Variants in BRINP3 observed in about 807,000 individuals in gnomAD.
BRINP3 encodes BMP/retinoic acid-inducible neural-specific protein 3.
In BRINP3, 19 loss-of-function variants were observed where a neutral mutation model predicts 71.0. The ratio of observed to expected loss-of-function variants is 0.27; its 90% CI spans 0.19 to 0.39. BRINP3 has a LOEUF of 0.39. Among genes scored for constraint, BRINP3 ranks in the 10% least tolerant of loss-of-function variants. BRINP3 has a pLI of 1.00. For synonymous variants in BRINP3, 380 were observed against 337.7 expected (o/e 1.13, Z -1.37); for missense variants, 959 against 940.8 (o/e 1.02, Z -0.25).
At chr1:190,182,424 C>A (rs1033937927) in intron 6 of BRINP3, among the ~76,000 whole-genome samples, 1 of 152,052 alleles carries the variant, frequency 6.6e-6, no homozygotes, top group Non-Finnish European at 1.5e-5. Context: ...TATTGTTCCA[C>A]CTTCCAGTTA....
At chr1:190,443,992 G>T (rs1206889222) in intron 2 of BRINP3, among the ~76,000 whole-genome samples, 1 of 152,086 alleles carries the variant, frequency 6.6e-6, no homozygotes, top group Admixed American at 6.5e-5. Context: ...CAGCACTTTG[G>T]TAGGCTGAGG....
At chr1:190,099,459 T>G (rs116640387) in intron 7 of BRINP3, among the ~76,000 whole-genome samples, 476 of 152,248 alleles carry the variant, frequency 3.1e-3, no homozygotes, top group African/African-American at 0.011. Flanking sequence ...TTAGTGCACA[T>G]GGAAGACCAT....
In BRINP3 at chr1:190,226,336, G is replaced by A; in HGVS notation, c.725-18C>T. 1 of 1,422,314 alleles carries A rather than the reference G, an allele frequency of 7.0e-7. No homozygotes were observed. The allele number at this position is 1,422,314 out of a possible 1,614,324, so 88.1% of individuals were successfully genotyped here. On this transcript the variant is annotated intron_variant, in intron 5 of 7. Transcript: ENST00000367462. ...TTGAAGCCCTTGAAGAACAAACAAA[G>A]AAATTAACAAATTTACTTTGTTAAA...
At chr1:190,470,349 A>G (rs942703417) in intron 1 of BRINP3, among the ~76,000 whole-genome samples, 3 of 151,072 alleles carry the variant, frequency 2.0e-5, no homozygotes, top group African/African-American at 7.3e-5. Context: ...GAACTATAAT[A>G]AATTCTAATG....
intron 2 of BRINP3, 38 bp downstream of exon 2, chr1:190,454,617 G>A (rs1675865269): frequency 6.5e-7 from 1 of 1,547,464 alleles, no homozygotes; most frequent in Non-Finnish European, 8.9e-7. Flanking sequence ...AACCTTCAAG[G>A]ATGATATTTC....
At chr1:190,358,069 T>G (rs545419166) in intron 2 of BRINP3, among the ~76,000 whole-genome samples, 2 of 151,896 alleles carry the variant, frequency 1.3e-5, no homozygotes, top group African/African-American at 4.8e-5. Context: ...AGAAGAAAAC[T>G]TAGGCAATAC....
intron 7 of BRINP3, among the ~76,000 whole-genome samples, chr1:190,122,885 C>T (rs768058435): frequency 3.1e-4 from 47 of 152,114 alleles, no homozygotes; most frequent in African/African-American, 5.8e-4. Flanking sequence ...TTGTCTGTGC[C>T]GGCTACTGAG....
At chr1:190,103,170 A>G (rs894412097) in intron 7 of BRINP3, among the ~76,000 whole-genome samples, 22 of 152,062 alleles carry the variant, frequency 1.4e-4, no homozygotes, top group African/African-American at 4.8e-4. Flanking sequence ...AACCTTCAGC[A>G]GAAGCTTTGG....
intron 2 of BRINP3, among the ~76,000 whole-genome samples, chr1:190,347,436 A>G (rs1571819720): frequency 6.6e-6 from 1 of 150,506 alleles, no homozygotes; most frequent in Admixed American, 6.7e-5. Flanking sequence ...CACCGCGCCC[A>G]GCTGACACTA....
At chr1:190,186,054 A>C (rs535294508) in intron 6 of BRINP3, among the ~76,000 whole-genome samples, 2 of 152,224 alleles carry the variant, frequency 1.3e-5, no homozygotes, top group Admixed American at 1.3e-4. Context: ...TTGTTTGTCA[A>C]CTTGGTCATT....
In BRINP3 at chr1:190,368,791, G is replaced by C. The variant is rs936119227; in HGVS notation, c.236+85864C>G. Among the ~76,000 whole-genome samples the C allele has an allele frequency of 2.6e-5, 4 of 152,230 alleles. No individual in the cohort carries two copies. In the East Asian group the frequency reaches 7.7e-4, roughly 29 times the overall value. On this transcript the variant is annotated intron_variant, in intron 2 of 7. Transcript: ENST00000367462. ...CTTCAGGAATCAGACCTTAGTTATA[G>C]ATTAAAGGAAGTTAATCACTTACGT...
Position 190,199,364 on chromosome 1 carries a change from T to A in BRINP3, c.961+26718A>T, listed in dbSNP as rs551390749. On this transcript the variant is annotated intron_variant, in intron 6 of 7. Transcript: ENST00000367462. ...CATTCCATTTTTCCTGGAGGTACAA[T>A]GAATTTGATAATAATTCTGAAATAT... Among the ~76,000 whole-genome samples, 3 of 152,254 alleles carry A rather than the reference T, an allele frequency of 2.0e-5. No individual in the cohort carries two copies. The East Asian group carries it at 5.8e-4, about 30-fold the overall frequency.
chr1:190,195,642 T>G (rs1490097453), intron 6 of BRINP3, among the ~76,000 whole-genome samples: 1 of 152,096 alleles, frequency 6.6e-6, no homozygotes, highest in Non-Finnish European at 1.5e-5. Flanking sequence ...TACATACCTA[T>G]GCCTAATTTC....
intron 6 of BRINP3, among the ~76,000 whole-genome samples, chr1:190,204,867 G>T (rs969526987): frequency 6.6e-6 from 1 of 151,816 alleles, no homozygotes; most frequent in Non-Finnish European, 1.5e-5. Context: ...ATTTTCCTAG[G>T]AAATGTGATA....
At chr1:190,282,106 T>C (rs1420780826) in intron 2 of BRINP3, among the ~76,000 whole-genome samples, 7 of 151,946 alleles carry the variant, frequency 4.6e-5, no homozygotes, top group Admixed American at 1.3e-4. Flanking sequence ...TTCTAAGGTA[T>C]ATTGGAAAAA....
intron 6 of BRINP3, among the ~76,000 whole-genome samples, chr1:190,207,794 G>C (rs960376508): frequency 6.6e-6 from 1 of 152,106 alleles, no homozygotes; most frequent in African/African-American, 2.4e-5. Flanking sequence ...AAGAGATACA[G>C]ACATGTTATT....
chr1:190,268,476 G>A (rs942237330), intron 3 of BRINP3, among the ~76,000 whole-genome samples: 1 of 152,068 alleles, frequency 6.6e-6, no homozygotes, highest in Admixed American at 6.6e-5. Flanking sequence ...AACACAGGAG[G>A]CATCTCTATT....
chr1:190,365,254 T>C lies in BRINP3; in HGVS notation c.237-83504A>G, dbSNP rs141053168. ...ACTCCTCCCCAGCAGAGATGACCAC[T>C]GTGAATGAAGTTTTGGAAATTGTGT... On this transcript the variant is annotated intron_variant, in intron 2 of 7. Transcript: ENST00000367462. Among the ~76,000 whole-genome samples, 205 of 152,158 alleles carry C rather than the reference T, an allele frequency of 1.3e-3. 3 individuals are homozygous for C. Among genetic ancestry groups the C allele is most frequent in the Admixed American group, 0.011 (161 of 15,242 alleles).
intron 2 of BRINP3, among the ~76,000 whole-genome samples, chr1:190,326,595 C>T (rs924983990): frequency 2.6e-5 from 4 of 151,970 alleles, no homozygotes; most frequent in East Asian, 1.9e-4. Context: ...AGGCTAACAA[C>T]GGACTTCTCA....
Sources: gnomAD v4.1 joint callset for allele counts (sites outside exome capture counted in the v4.1 genomes callset) on GRCh38, gnomAD v4.1.1 for gene constraint, MANE v1.5 for transcripts, NCBI Gene and HGNC (gene_info 2026-07-23, HGNC 2026-07-21) for gene names.